Variants in GNG2 observed in about 807,000 individuals in gnomAD.
The protein encoded by GNG2 is G protein subunit gamma 2.
In GNG2, 5 loss-of-function variants were observed where a neutral mutation model predicts 5.5. The observed-to-expected ratio is 0.91, with a 90% CI of 0.48 to 1.92. The LOEUF (loss-of-function observed/expected upper bound fraction) is 1.92, where lower values mean the gene tolerates loss of function less well. Among genes scored for constraint, GNG2 ranks in the 30% most tolerant of loss-of-function variants. The pLI is 0.01. For missense variants in GNG2, 55 were observed against 88.4 expected (o/e 0.62, Z 1.52); for synonymous variants, 28 against 32.0 (o/e 0.88, Z 0.42).
At chr14:51,925,980 TC>T (rs1887290739) in intron 2 of GNG2, among the ~76,000 whole-genome samples, 6 of 152,040 alleles carry the variant, frequency 3.9e-5, no homozygotes, top group African/African-American at 1.4e-4. Context: ...AGAAAAAGGC[TC>T]CAAGGAAGTG....
intron 2 of GNG2, among the ~76,000 whole-genome samples, chr14:51,932,267 A>G (rs1470439880): frequency 1.4e-5 from 2 of 143,294 alleles, no homozygotes; most frequent in Non-Finnish European, 3.1e-5. Context: ...AAAAAAAAAA[A>G]AAAAAGAAAA....
At chr14:51,877,775 T>C (rs1883773624) in intron 2 of GNG2, 118 bp downstream of exon 2, 4 of 329,562 alleles carry the variant, frequency 1.2e-5, no homozygotes, top group Non-Finnish European at 2.4e-5. Context: ...AAAGAAACAG[T>C]CATAGAGTCC....
chr14:51,922,312 G>A (rs189906664), intron 2 of GNG2, among the ~76,000 whole-genome samples: 2 of 152,222 alleles, frequency 1.3e-5, no homozygotes, highest in African/African-American at 4.8e-5. Context: ...TTAGATAAAA[G>A]GAAAAGGAGA....
chr14:51,927,658 A>G (rs1445269091), intron 2 of GNG2, among the ~76,000 whole-genome samples: 1 of 152,180 alleles, frequency 6.6e-6, no homozygotes, highest in African/African-American at 2.4e-5. Context: ...CCTAGCTCCA[A>G]GCACTGCCTG....
rs560055270 is a variant in GNG2 at position 51,902,628 on chromosome 14, C to T, written c.-30+24971C>T. 5.9e-5 allele frequency among the ~76,000 whole-genome samples: 9 copies of T among 152,298 alleles called. No homozygotes were observed. The South Asian group carries it at 8.3e-4, about 14-fold the overall frequency. ...AAGAAATAGGCTAGGCATGGTGGCT[C>T]ATGCCTATAATCCTAGCACTTTGGG... On this transcript the variant is annotated intron_variant, in intron 2 of 3. Transcript: ENST00000556766.
intron 2 of GNG2, among the ~76,000 whole-genome samples, chr14:51,936,001 T>G (rs1887979886): frequency 6.6e-6 from 1 of 152,146 alleles, no homozygotes; most frequent in Admixed American, 6.5e-5. Context: ...AGAGGAGCCA[T>G]TTTTCTAACT....
chr14:51,913,652 T>C (rs1886428311), intron 2 of GNG2, among the ~76,000 whole-genome samples: 1 of 152,120 alleles, frequency 6.6e-6, no homozygotes, highest in South Asian at 2.1e-4. Context: ...AGCAGAGATG[T>C]AGAGAGGAGG....
rs141683555 is a variant in GNG2, at chr14:51,845,211, T to C, written c.64+17404T>C. Among the ~76,000 whole-genome samples the C allele has an allele frequency of 7.4e-4, 112 of 152,356 alleles. 1 individual carries two copies. The highest frequency in any genetic ancestry group is 2.6e-3 in the African/African-American group (107 of 41,580). On this transcript the variant is annotated intron_variant, in intron 2 of 3. Transcript: ENST00000553432. ...TTTAAAAATAGGTAATTTTCAATCATAAATAAAGGCTGGTGCAGTGGCTCA... is the reference window on the plus strand; with the variant it reads ...TTTAAAAATAGGTAATTTTCAATCACAAATAAAGGCTGGTGCAGTGGCTCA...
Position 51,901,558 on chromosome 14 carries a change from G to A in GNG2, c.-30+23901G>A, listed in dbSNP as rs553572476. The stretch of plus-strand genomic sequence containing the variant: ...CATGCCACCCATCAGTGACCATGGC[G>A]GGGTAGTGGACATGGGAGGACGGCC... On this transcript the variant is annotated intron_variant, in intron 2 of 3. Transcript: ENST00000556766. Among the ~76,000 whole-genome samples the A allele has an allele frequency of 8.5e-5, 13 of 152,210 alleles. No individual in the cohort carries two copies. The East Asian group carries it at 1.9e-3, about 23-fold the overall frequency.
At chr14:51,866,895 A>T (rs1882933167) in intron 1 of GNG2, among the ~76,000 whole-genome samples, 1 of 152,186 alleles carries the variant, frequency 6.6e-6, no homozygotes. Context: ...AGTCAAATTA[A>T]CATCATCTTT....
chr14:51,943,109 TG>T (rs1342493664), intron 2 of GNG2, among the ~76,000 whole-genome samples: 1 of 152,154 alleles, frequency 6.6e-6, no homozygotes, highest in Non-Finnish European at 1.5e-5. Context: ...GGTGGTCCTC[TG>T]GCAGCCCCAA....
intron 2 of GNG2, among the ~76,000 whole-genome samples, chr14:51,933,080 A>T (rs915432508): frequency 6.6e-6 from 1 of 152,218 alleles, no homozygotes; most frequent in African/African-American, 2.4e-5. Flanking sequence ...TCTTCCCTAG[A>T]GCCTCTGGCA....
rs150619614 is a variant in GNG2 at position 51,827,388 on chromosome 14, A to T, written c.-76-280A>T. Among the ~76,000 whole-genome samples, 356 of 152,306 alleles carry T rather than the reference A, an allele frequency of 2.3e-3. 4 individuals carry two copies. Among genetic ancestry groups the T allele is most frequent in the African/African-American group, 8.3e-3 (345 of 41,572 alleles). On this transcript the variant is annotated intron_variant, in intron 1 of 3. Transcript: ENST00000553432. ...TCTACTCCAGGCTTATCAAACCAGA[A>T]ATTCTGGGAGCAGGGATTCCGCAAT...
chr14:51,909,115 A>G (rs563879359), intron 2 of GNG2, among the ~76,000 whole-genome samples: 6 of 152,252 alleles, frequency 3.9e-5, no homozygotes, highest in African/African-American at 1.4e-4. Context: ...ATATCTTTCA[A>G]TGTCAGTATA....
intron 2 of GNG2, among the ~76,000 whole-genome samples, chr14:51,907,486 A>G (rs1864806081): frequency 6.6e-6 from 1 of 152,232 alleles, no homozygotes; most frequent in African/African-American, 2.4e-5. Flanking sequence ...CAGCAAAACT[A>G]AACCTGTATT....
At chr14:51,932,082 TA>T (rs750678651) in intron 2 of GNG2, among the ~76,000 whole-genome samples, 33 of 151,206 alleles carry the variant, frequency 2.2e-4, no homozygotes, top group Non-Finnish European at 4.6e-4. Flanking sequence ...CCGTCTCTAC[TA>T]AAAAATAGAA....
At chr14:51,876,153 G>T (rs1469838332) in intron 1 of GNG2, among the ~76,000 whole-genome samples, 2 of 151,966 alleles carry the variant, frequency 1.3e-5, no homozygotes, top group Admixed American at 6.6e-5. Flanking sequence ...TGCCCAGGCT[G>T]GTCTCAAACT....
At chr14:51,946,126 G>C (rs1273082989) in intron 2 of GNG2, among the ~76,000 whole-genome samples, 3 of 152,144 alleles carry the variant, frequency 2.0e-5, no homozygotes, top group African/African-American at 7.2e-5. Flanking sequence ...TGTTTCGTTT[G>C]CTTGACCCTC....
At chr14:51,903,646 T>C (rs1305225028) in intron 2 of GNG2, among the ~76,000 whole-genome samples, 1 of 152,250 alleles carries the variant, frequency 6.6e-6, no homozygotes, top group African/African-American at 2.4e-5. Context: ...TCTGGAGTTT[T>C]TCAATTCTCT....
Sources: gnomAD v4.1 joint callset for allele counts (sites outside exome capture counted in the v4.1 genomes callset) on GRCh38, gnomAD v4.1.1 for gene constraint, MANE v1.5 for transcripts, NCBI Gene and HGNC (gene_info 2026-07-23, HGNC 2026-07-21) for gene names.